The following NCAM2 variants were observed in gnomAD, a reference collection of about 807,000 sequenced individuals.
NCAM2 encodes the protein neural cell adhesion molecule 2, also known as N-CAM-2.
Under a neutral mutation model 98.1 loss-of-function variants are expected in NCAM2, and 30 were observed. That is an observed-to-expected ratio of 0.31 (90% CI 0.23 to 0.41). The LOEUF (loss-of-function observed/expected upper bound fraction) is 0.41, where lower values mean the gene tolerates loss of function less well. Ranked by LOEUF, NCAM2 falls within the 10% of genes least tolerant of loss-of-function variation. NCAM2 has a pLI of 1.00. For missense variants in NCAM2, 867 were observed against 1,005.8 expected, an observed-to-expected ratio of 0.86 and a Z score of 1.87; for synonymous variants, 368 against 342.4, an observed-to-expected ratio of 1.07 and a Z score of -0.83.
At chr21:21,395,404 A>G (rs545601490) in intron 9 of NCAM2, among the ~76,000 whole-genome samples, 1 of 152,342 alleles carries the variant, frequency 6.6e-6, no homozygotes, top group East Asian at 1.9e-4. Context: ...GGTACATTAA[A>G]ATGAAATATA....
chr21:21,305,373 TTTAC>T (rs2073849813), intron 5 of NCAM2, among the ~76,000 whole-genome samples: 1 of 151,972 alleles, frequency 6.6e-6, no homozygotes, highest in Non-Finnish European at 1.5e-5. Flanking sequence ...TAAAGACACT[TTTAC>T]TTATTCCTTT....
intron 1 of NCAM2, among the ~76,000 whole-genome samples, chr21:21,151,917 T>C (rs1191047235): frequency 6.6e-6 from 1 of 152,058 alleles, no homozygotes; most frequent in Admixed American, 6.6e-5. Context: ...TTTAGAAATA[T>C]TGTTATGATA....
At chr21:21,301,809 A>G (rs2073724383) in intron 5 of NCAM2, among the ~76,000 whole-genome samples, 1 of 151,022 alleles carries the variant, frequency 6.6e-6, no homozygotes, top group South Asian at 2.1e-4. Context: ...AAGGACATGA[A>G]CAGACACTTC....
chr21:21,095,484 C>G (rs891541290), intron 1 of NCAM2, among the ~76,000 whole-genome samples: 7 of 138,746 alleles, frequency 5.0e-5, no homozygotes, highest in African/African-American at 2.1e-4. Context: ...ATAATTTTAC[C>G]TTTTTAAAAA....
chr21:21,046,434 G>A (rs150686673), intron 1 of NCAM2, among the ~76,000 whole-genome samples: 8 of 152,138 alleles, frequency 5.3e-5, no homozygotes, highest in African/African-American at 1.9e-4. Context: ...GATTCTATTG[G>A]ATTATCTGTT....
intron 9 of NCAM2, among the ~76,000 whole-genome samples, chr21:21,409,798 T>C (rs1385214533): frequency 6.6e-6 from 1 of 152,184 alleles, no homozygotes. Flanking sequence ...TTTCGTGAGT[T>C]CTGATGCACT....
At chr21:21,183,477 G>A (rs1208995372) in intron 1 of NCAM2, among the ~76,000 whole-genome samples, 1 of 152,126 alleles carries the variant, frequency 6.6e-6, no homozygotes, top group Non-Finnish European at 1.5e-5. Context: ...CATATTAGTG[G>A]GGGCAGCTAA....
intron 1 of NCAM2, among the ~76,000 whole-genome samples, chr21:21,150,707 A>G (rs1412783597): frequency 5.9e-5 from 9 of 151,414 alleles, no homozygotes; most frequent in African/African-American, 1.2e-4. Flanking sequence ...TGTTAGATCC[A>G]TTTTTCTTAT....
intron 1 of NCAM2, among the ~76,000 whole-genome samples, chr21:21,097,209 A>G (rs562438008): frequency 6.6e-6 from 1 of 151,714 alleles, no homozygotes; most frequent in Non-Finnish European, 1.5e-5. Flanking sequence ...AAAACAGACT[A>G]TGAAGAAGTG....
At chr21:21,179,827 AC>A (rs1403787899) in intron 1 of NCAM2, among the ~76,000 whole-genome samples, 2 of 152,250 alleles carry the variant, frequency 1.3e-5, no homozygotes, top group Admixed American at 1.3e-4. Flanking sequence ...CAGTGTATCC[AC>A]AGAGGGCGTA....
chr21:21,437,050 C>T (rs577119577), intron 12 of NCAM2, among the ~76,000 whole-genome samples: 65 of 152,126 alleles, frequency 4.3e-4, no homozygotes, highest in Non-Finnish European at 7.4e-4. Context: ...GCTGGGATTA[C>T]AGGCATAAAC....
chr21:21,049,667 T>C (rs573385263), intron 1 of NCAM2, among the ~76,000 whole-genome samples: 32 of 151,558 alleles, frequency 2.1e-4, no homozygotes, highest in African/African-American at 7.0e-4. Context: ...AGGTCAGGAG[T>C]TCAAGACCAG....
intron 16 of NCAM2, among the ~76,000 whole-genome samples, chr21:21,524,649 A>T (rs7282792): frequency 6.6e-6 from 1 of 152,158 alleles, no homozygotes; most frequent in South Asian, 2.1e-4. Context: ...TGCTTAACCA[A>T]TCAAGTTCAA....
At chr21:21,203,992 G>T (rs2069339294) in intron 1 of NCAM2, among the ~76,000 whole-genome samples, 1 of 152,172 alleles carries the variant, frequency 6.6e-6, no homozygotes, top group Admixed American at 6.5e-5. Context: ...AAATCACTTT[G>T]ATAATGTGGC....
At chr21:21,497,924 T>G (rs942477304) in intron 15 of NCAM2, among the ~76,000 whole-genome samples, 1 of 152,098 alleles carries the variant, frequency 6.6e-6, no homozygotes, top group Non-Finnish European at 1.5e-5. Context: ...GTTGATGAAT[T>G]TTACTCAGAA....
chr21:21,296,950 T>C (rs1026866665), intron 5 of NCAM2, among the ~76,000 whole-genome samples: 2 of 151,674 alleles, frequency 1.3e-5, no homozygotes, highest in African/African-American at 4.8e-5. Context: ...ATGATACTGC[T>C]TATGTTCTCT....
chr21:21,468,166 A>G (rs1316229874), intron 13 of NCAM2, among the ~76,000 whole-genome samples: 1 of 152,038 alleles, frequency 6.6e-6, no homozygotes, highest in South Asian at 2.1e-4. Context: ...TGCAAACTTT[A>G]TTCAAATTTG....
intron 1 of NCAM2, among the ~76,000 whole-genome samples, chr21:21,126,236 T>TAAAAAAAAAAA (rs778070776): frequency 6.2e-5 from 6 of 97,548 alleles, no homozygotes; most frequent in Admixed American, 1.4e-4. Flanking sequence ...TCATGGAACA[T>TAAAAAAAAAAA]AAAAAAAAAA....
chr21:21,121,115 T>G (rs1419384587), intron 1 of NCAM2, among the ~76,000 whole-genome samples: 1 of 152,220 alleles, frequency 6.6e-6, no homozygotes, highest in Non-Finnish European at 1.5e-5. Flanking sequence ...CACATGATCA[T>G]TATTTATAGT....
Sources: gnomAD v4.1 joint callset for allele counts (sites outside exome capture counted in the v4.1 genomes callset) on GRCh38, gnomAD v4.1.1 for gene constraint, MANE v1.5 for transcripts, NCBI Gene and HGNC (gene_info 2026-07-23, HGNC 2026-07-21) for gene names.